Variants in TYW1B observed in about 807,000 individuals in gnomAD.
TYW1B encodes S-adenosyl-L-methionine-dependent tRNA 4-demethylwyosine synthase TYW1B.
In TYW1B, 73 loss-of-function variants were observed where a neutral mutation model predicts 86.9. The ratio of observed to expected loss-of-function variants is 0.84; its 90% CI spans 0.70 to 1.02. The LOEUF (loss-of-function observed/expected upper bound fraction) is 1.02, where lower values mean the gene tolerates loss of function less well. Ranked by LOEUF, TYW1B falls within the 50% of genes least tolerant of loss-of-function variation. TYW1B has a pLI of 0.00. For synonymous variants in TYW1B, 248 were observed against 292.8 expected, an observed-to-expected ratio of 0.85 and a Z score of 1.56; for missense variants, 637 against 827.4, an observed-to-expected ratio of 0.77 and a Z score of 2.82.
At chr7:72,760,510 C>A (rs1787669043) in intron 7 of TYW1B, among the ~76,000 whole-genome samples, 1 of 152,064 alleles carries the variant, frequency 6.6e-6, no homozygotes, top group South Asian at 2.1e-4. Flanking sequence ...TATTTGTGTG[C>A]ATATTTATGT....
intron 13 of TYW1B, among the ~76,000 whole-genome samples, chr7:72,597,010 TTATTAGGCAAA>T (rs1239917616): frequency 6.6e-6 from 1 of 152,084 alleles, no homozygotes; most frequent in East Asian, 1.9e-4. Flanking sequence ...TCAGCATCAC[TTATTAGGCAAA>T]TATAAGTCAA....
At chr7:72,719,488 G>A (rs182450215) in intron 9 of TYW1B, among the ~76,000 whole-genome samples, 187 of 151,800 alleles carry the variant, frequency 1.2e-3, no homozygotes, top group Non-Finnish European at 8.1e-4. Flanking sequence ...AACATTAGCC[G>A]GGCATGGTGG....
intron 9 of TYW1B, among the ~76,000 whole-genome samples, chr7:72,716,615 G>A (rs1786788436): frequency 6.9e-6 from 1 of 144,562 alleles, no homozygotes; most frequent in Admixed American, 7.1e-5. Flanking sequence ...CAGTGAACGA[G>A]ACATAGGGGC....
chr7:72,787,588 C>A (rs150955018), intron 6 of TYW1B, among the ~76,000 whole-genome samples: 2,032 of 151,744 alleles, frequency 0.013, 60 homozygotes, highest in African/African-American at 0.047. Flanking sequence ...CTGGCCAACA[C>A]GGTGAAACCC....
At chr7:72,803,684 G>A (rs1554476198) in intron 5 of TYW1B, among the ~76,000 whole-genome samples, 1 of 151,968 alleles carries the variant, frequency 6.6e-6, no homozygotes, top group Non-Finnish European at 1.5e-5. Flanking sequence ...CGTGATCTTG[G>A]CTCACTGCAA....
chr7:72,774,364 T>C (rs542545322), intron 7 of TYW1B, among the ~76,000 whole-genome samples: 1 of 142,462 alleles, frequency 7.0e-6, no homozygotes, highest in South Asian at 2.3e-4. Flanking sequence ...TCAAAGTAAC[T>C]TAACCTTGTC....
At chr7:72,799,906 T>G (rs1282433228) in intron 6 of TYW1B, among the ~76,000 whole-genome samples, 1 of 152,220 alleles carries the variant, frequency 6.6e-6, no homozygotes, top group African/African-American at 2.4e-5. Flanking sequence ...CATTCATAAA[T>G]TTAATATTTT....
At chr7:72,803,857 G>A (rs1412957306) in intron 5 of TYW1B, among the ~76,000 whole-genome samples, 4 of 151,680 alleles carry the variant, frequency 2.6e-5, no homozygotes, top group Admixed American at 6.6e-5. Flanking sequence ...CAGGTGATCC[G>A]CCCGCCTCAG....
chr7:72,640,311 C>G (rs1812773772), intron 11 of TYW1B, among the ~76,000 whole-genome samples: 1 of 151,806 alleles, frequency 6.6e-6, no homozygotes, highest in East Asian at 1.9e-4. Flanking sequence ...TTTAAGAAAA[C>G]AAACCCAATT....
At chr7:72,616,255 C>T (rs1458664457) in intron 13 of TYW1B, among the ~76,000 whole-genome samples, 2 of 152,110 alleles carry the variant, frequency 1.3e-5, no homozygotes, top group Non-Finnish European at 2.9e-5. Flanking sequence ...CAAAATTCTC[C>T]AGATGCCAAG....
chr7:72,594,101 T>G (rs1189423414), intron 13 of TYW1B, among the ~76,000 whole-genome samples: 2 of 150,762 alleles, frequency 1.3e-5, no homozygotes, highest in African/African-American at 4.9e-5. Context: ...CTTCAAAACT[T>G]CAGGAACTAA....
At chr7:72,742,104 T>C (rs1279706628) in intron 8 of TYW1B, among the ~76,000 whole-genome samples, 2 of 152,140 alleles carry the variant, frequency 1.3e-5, no homozygotes, top group Non-Finnish European at 2.9e-5. Context: ...TGTTGTATTT[T>C]TGGATTTTTA....
intron 11 of TYW1B, among the ~76,000 whole-genome samples, chr7:72,683,730 TA>T (rs1247543463): frequency 6.6e-6 from 1 of 152,078 alleles, no homozygotes; most frequent in Non-Finnish European, 1.5e-5. Flanking sequence ...CAAGGCACAC[TA>T]AAAGGCAAAA....
chr7:72,583,868 A>G (rs1811213715), intron 13 of TYW1B, among the ~76,000 whole-genome samples: 1 of 152,242 alleles, frequency 6.6e-6, no homozygotes, highest in African/African-American at 2.4e-5. Flanking sequence ...GCTAAGTGAT[A>G]GATGTGCTTA....
At chr7:72,701,874 G>A (rs1356709347) in intron 10 of TYW1B, among the ~76,000 whole-genome samples, 6 of 152,042 alleles carry the variant, frequency 3.9e-5, no homozygotes, top group Non-Finnish European at 5.9e-5. Flanking sequence ...TTTTTGTTAG[G>A]GAATGTTCTC....
At chr7:72,600,899 G>C (rs1454288138) in intron 13 of TYW1B, among the ~76,000 whole-genome samples, 1 of 152,008 alleles carries the variant, frequency 6.6e-6, no homozygotes, top group Non-Finnish European at 1.5e-5. Flanking sequence ...GCTCACAACT[G>C]TAATCCCAGC....
At chr7:72,703,027 T>TATATATATA (rs1491405653) in intron 10 of TYW1B, among the ~76,000 whole-genome samples, 1 of 6,918 alleles carries the variant, frequency 1.4e-4, no homozygotes, top group South Asian at 3.5e-3. Flanking sequence ...TATATATATA[T>TATATATATA]TTTTTTTTTT....
intron 10 of TYW1B, among the ~76,000 whole-genome samples, chr7:72,711,677 C>T (rs1201250842): frequency 2.0e-5 from 3 of 151,032 alleles, no homozygotes; most frequent in South Asian, 2.1e-4. Flanking sequence ...TTAGTAGAGA[C>T]GGGGTTTCAC....
At chr7:72,822,739 T>C (rs1249771486) in intron 2 of TYW1B, among the ~76,000 whole-genome samples, 1 of 152,162 alleles carries the variant, frequency 6.6e-6, no homozygotes, top group Non-Finnish European at 1.5e-5. Flanking sequence ...CTGGGCATGG[T>C]GATTCATGCC....
Sources: allele counts gnomAD v4.1 joint callset (sites outside exome capture counted in the v4.1 genomes callset), GRCh38; gene constraint gnomAD v4.1.1; transcripts MANE v1.5; gene names NCBI Gene and HGNC (gene_info 2026-07-23, HGNC 2026-07-21).